Variants in TMEM267 observed in about 807,000 individuals in gnomAD.
TMEM267 encodes the protein transmembrane protein 267.
A neutral mutation model predicts 19.3 loss-of-function variants in TMEM267; 20 were observed. The observed-to-expected ratio is 1.04, with a 90% CI of 0.73 to 1.51. TMEM267 has a LOEUF of 1.51. Ranked by LOEUF, TMEM267 falls within the 40% of genes most tolerant of loss-of-function variation. TMEM267 has a pLI of 0.00. For missense variants in TMEM267, 242 were observed against 261.9 expected, an observed-to-expected ratio of 0.92 and a Z score of 0.52; for synonymous variants, 88 against 90.3, an observed-to-expected ratio of 0.97 and a Z score of 0.15.
intron 1 of TMEM267, among the ~76,000 whole-genome samples, chr5:43,479,337 A>G (rs11951380): frequency 1.3e-5 from 2 of 152,004 alleles, no homozygotes; most frequent in African/African-American, 4.8e-5. Flanking sequence ...AAATGTAATC[A>G]TTACTTTTTT....
At chr5:43,447,827 T>C (rs1742348070) in intron 2 of TMEM267, among the ~76,000 whole-genome samples, 1 of 152,038 alleles carries the variant, frequency 6.6e-6, no homozygotes, top group South Asian at 2.1e-4. Context: ...GGAAGTTCAG[T>C]TTAAGTGTGA....
At chr5:43,454,129 A>C in intron 1 of TMEM267, 86 bp from the exon 2 acceptor site, 4 of 968,326 alleles carry the variant, frequency 4.1e-6, no homozygotes, top group Non-Finnish European at 5.8e-6. Context: ...CAATAATTTC[A>C]CAAACATAAA....
At chr5:43,479,957 T>C (rs1025198944) in intron 1 of TMEM267, 3 of 407,460 alleles carry the variant, frequency 7.4e-6, no homozygotes, top group Admixed American at 3.3e-5. Flanking sequence ...TTATGAATCA[T>C]TGTCTCCTTT....
At chr5:43,482,964 T>C (rs1744880603) in intron 1 of TMEM267, among the ~76,000 whole-genome samples, 1 of 152,222 alleles carries the variant, frequency 6.6e-6, no homozygotes. Context: ...ACTTTCCCTC[T>C]TCCCCACCAA....
At chr5:43,458,270 T>C (rs1332887603) in intron 1 of TMEM267, among the ~76,000 whole-genome samples, 1 of 152,114 alleles carries the variant, frequency 6.6e-6, no homozygotes. Flanking sequence ...CTGGCTAATT[T>C]TTAAATTTTT....
At chr5:43,470,255 G>C (rs1244356154) in intron 1 of TMEM267, among the ~76,000 whole-genome samples, 1 of 152,126 alleles carries the variant, frequency 6.6e-6, no homozygotes, top group Admixed American at 6.6e-5. Flanking sequence ...TGATTCTTGT[G>C]CCTCAGCCTC....
At chr5:43,463,187 A>G (rs541728701) in intron 1 of TMEM267, among the ~76,000 whole-genome samples, 1 of 152,266 alleles carries the variant, frequency 6.6e-6, no homozygotes, top group Non-Finnish European at 1.5e-5. Context: ...TAGAAAATCT[A>G]GAAGAAATGG....
In TMEM267 at chr5:43,445,625, T is replaced by A. The variant is rs1742197190; in HGVS notation, c.*597A>T. The A allele has an allele frequency of 6.6e-6, 1 of 152,200 alleles. No individual in the cohort carries two copies. The highest frequency in any genetic ancestry group is 1.5e-5 in the Non-Finnish European group (1 of 68,018). The allele number at this position is 152,200 out of a possible 1,614,324, so 9.4% of individuals were successfully genotyped here. On this transcript the variant is annotated 3_prime_UTR_variant, in exon 3 of 3. Transcript: ENST00000397080. ...TAATGTTAGCTACTGGATATTATAA[T>A]GATGTGTCACAAGTGCTCTGAAGGT... is the stretch of plus-strand genomic sequence containing the variant.
intron 1 of TMEM267, among the ~76,000 whole-genome samples, chr5:43,482,605 A>T (rs1744852832): frequency 6.6e-6 from 1 of 152,208 alleles, no homozygotes; most frequent in Non-Finnish European, 1.5e-5. Context: ...AATACAAGAG[A>T]TAATCACATA....
Position 43,453,926 on chromosome 5 carries a change from C to G in TMEM267, c.44G>C (p.Cys15Ser). ...TEKTHALLQT[C>S]STESLISSLG... is the part of the protein sequence containing the mutation. ...GCTGGAAATAAGAGATTCAGTGCTA[C>G]AAGTCTGCAGTAAAGCATGGGTCTT... Residue 15 changes from cysteine (C) to serine (S), a missense_variant, in exon 2 of 3, where the codon TGT becomes TCT. Cys to Ser is a moderately radical substitution (Grantham distance 112). Transcript: ENST00000397080. 1 of 1,613,988 alleles carries G rather than the reference C, an allele frequency of 6.2e-7. No homozygotes were observed. Among genetic ancestry groups the G allele is most frequent in the Admixed American group, 1.7e-5 (1 of 59,966 alleles).
chr5:43,453,834 C>T lies in TMEM267; in HGVS notation c.136G>A (p.Asp46Asn), dbSNP rs759706845. ...LLQFSTIQQN[D>N]WLRALSDNAV... is the part of the protein sequence containing the mutation. The stretch of plus-strand genomic sequence containing the variant: ...TTATCTGAGAGAGCACGAAGCCAGT[C>T]ATTTTGCTGAATTGTGGAAAACTGA... Residue 46 changes from aspartate to asparagine, a missense_variant, in exon 2 of 3, where the codon GAC (aspartate) becomes AAC (asparagine). Transcript: ENST00000397080. The T allele has an allele frequency of 6.2e-7, 1 of 1,614,102 alleles. No homozygotes were observed. The highest frequency in any genetic ancestry group is 1.1e-5 in the South Asian group (1 of 91,070).
At chr5:43,453,533 A>C (rs1561186045) in intron 2 of TMEM267, 125 bp downstream of exon 2, 1 of 824,468 alleles carries the variant, frequency 1.2e-6, no homozygotes, top group East Asian at 2.7e-5. Flanking sequence ...GTGGTCAAAA[A>C]GGTTACATGA....
At chr5:43,482,389 C>A (rs1439764013) in intron 1 of TMEM267, among the ~76,000 whole-genome samples, 1 of 152,142 alleles carries the variant, frequency 6.6e-6, no homozygotes. Context: ...GAATAATACA[C>A]CTAAGGGTAC....
At chr5:43,462,322 T>A (rs1160711564) in intron 1 of TMEM267, among the ~76,000 whole-genome samples, 1 of 152,100 alleles carries the variant, frequency 6.6e-6, no homozygotes, top group Non-Finnish European at 1.5e-5. Flanking sequence ...CGGGTACAAA[T>A]AAGCCCCGAC....
At chr5:43,457,981 C>A (rs1260427327) in intron 1 of TMEM267, among the ~76,000 whole-genome samples, 3 of 152,172 alleles carry the variant, frequency 2.0e-5, no homozygotes, top group Non-Finnish European at 4.4e-5. Flanking sequence ...TCACTGCAAC[C>A]TTGACTTCCT....
At chr5:43,477,327 G>A (rs1432539996) in intron 1 of TMEM267, among the ~76,000 whole-genome samples, 1 of 150,950 alleles carries the variant, frequency 6.6e-6, no homozygotes, top group African/African-American at 2.4e-5. Context: ...GGTGGCTCAC[G>A]CCTGTAATCC....
intron 1 of TMEM267, among the ~76,000 whole-genome samples, chr5:43,463,011 G>T (rs1743370815): frequency 6.6e-6 from 1 of 151,982 alleles, no homozygotes; most frequent in Non-Finnish European, 1.5e-5. Context: ...CTGGTTTTTT[G>T]AAAAGACCAA....
At chr5:43,452,535 G>T (rs188620175) in intron 2 of TMEM267, among the ~76,000 whole-genome samples, 3 of 148,688 alleles carry the variant, frequency 2.0e-5, no homozygotes, top group African/African-American at 7.5e-5. Context: ...AGACTTTACC[G>T]CTATGCAATA....
Position 43,477,308 on chromosome 5 carries a change from G to A in TMEM267, c.-75+6514C>T, listed in dbSNP as rs1744487137. Among the ~76,000 whole-genome samples the A allele has an allele frequency of 2.0e-5, 3 of 152,252 alleles. No homozygotes were observed. The South Asian group carries it at 6.2e-4, about 32-fold the overall frequency. On this transcript the variant is annotated intron_variant, in intron 1 of 2. Coordinates refer to ENST00000397080, the MANE Select transcript of TMEM267 (RefSeq NM_022483.5). ...TCAGTTAAAATGACACCAGACACAG[G>A]CCGGGGGCGGTGGCTCACGCCTGTA...
Sources: allele counts gnomAD v4.1 joint callset (sites outside exome capture counted in the v4.1 genomes callset), GRCh38; gene constraint gnomAD v4.1.1; transcripts MANE v1.5; gene names NCBI Gene and HGNC (gene_info 2026-07-23, HGNC 2026-07-21).